DRC10: variants seen among roughly 807,000 people sequenced by gnomAD.
DRC10 encodes the protein dynein regulatory complex subunit 10, also known as IQ domain-containing protein D.
chr12:113,202,928 A>C, the DRC10 span: 1 of 385,544 alleles, frequency 2.6e-6, no homozygotes, highest in Non-Finnish European at 5.4e-6. Flanking sequence ...ACCATCTCAC[A>C]GGGTTTTTGT....
the DRC10 span, chr12:113,195,862 G>A: frequency 1.9e-6 from 3 of 1,612,128 alleles, no homozygotes; most frequent in South Asian, 3.3e-5. Flanking sequence ...TCCTCCCTGT[G>A]AACAGCGTCC....
the DRC10 span, among the ~76,000 whole-genome samples, chr12:113,213,181 A>AC: frequency 2.7e-5 from 4 of 149,240 alleles, no homozygotes; most frequent in Non-Finnish European, 6.0e-5. Flanking sequence ...GGTGCTAAAA[A>AC]AAAAAAAAAA....
chr12:113,210,210 C>T, the DRC10 span, among the ~76,000 whole-genome samples: 5 of 152,152 alleles, frequency 3.3e-5, no homozygotes, highest in Admixed American at 2.6e-4. Context: ...ATTTATATTG[C>T]TTTCATAGTA....
At chr12:113,200,955 A>G in the DRC10 span, 14 of 607,714 alleles carry the variant, frequency 2.3e-5, no homozygotes, top group African/African-American at 2.4e-4. Context: ...CCTGGCTAAC[A>G]TGATGAAATC....
At chr12:113,217,047 C>G in the DRC10 span, among the ~76,000 whole-genome samples, 2 of 152,276 alleles carry the variant, frequency 1.3e-5, no homozygotes, top group African/African-American at 2.4e-5. Context: ...TGAGATTGCA[C>G]CACTGCACTC....
chr12:113,207,993 C>G, the DRC10 span: 1 of 1,614,082 alleles, frequency 6.2e-7, no homozygotes, highest in Admixed American at 1.7e-5. Context: ...TGTAGATCGC[C>G]TCATCCAGGA....
At chr12:113,198,731 G>A in the DRC10 span, among the ~76,000 whole-genome samples, 12 of 152,270 alleles carry the variant, frequency 7.9e-5, no homozygotes, top group East Asian at 3.9e-4. Context: ...GCACAACATC[G>A]TGAATATACT....
the DRC10 span, among the ~76,000 whole-genome samples, chr12:113,210,749 G>A: frequency 5.8e-5 from 8 of 137,392 alleles, no homozygotes; most frequent in African/African-American, 8.5e-5. Flanking sequence ...TATCCTGTTC[G>A]TTCTCCAGGT....
the DRC10 span, among the ~76,000 whole-genome samples, chr12:113,197,055 T>C: frequency 6.6e-6 from 1 of 152,178 alleles, no homozygotes; most frequent in Admixed American, 6.5e-5. Context: ...GGCTCCCATC[T>C]GAGTCTGTGG....
At chr12:113,207,081 G>A in the DRC10 span, 1 of 361,652 alleles carries the variant, frequency 2.8e-6, no homozygotes, top group Admixed American at 4.1e-5. Flanking sequence ...TCAATCAATT[G>A]GCCAGGCGCA....
the DRC10 span, among the ~76,000 whole-genome samples, chr12:113,202,303 G>T: frequency 6.6e-6 from 1 of 152,132 alleles, no homozygotes. Context: ...TATCCACAAA[G>T]TCAGGTGAAT....
chr12:113,214,378 T>A, the DRC10 span, among the ~76,000 whole-genome samples: 8 of 151,812 alleles, frequency 5.3e-5, no homozygotes, highest in Non-Finnish European at 1.2e-4. Flanking sequence ...TGGTGAAACA[T>A]GCCTGTAATC....
the DRC10 span, chr12:113,207,363 C>A: frequency 2.4e-6 from 3 of 1,243,060 alleles, no homozygotes; most frequent in Non-Finnish European, 3.5e-6. Flanking sequence ...AAAAATCAAT[C>A]ATTGAGGAAA....
chr12:113,211,310 A>T, the DRC10 span, among the ~76,000 whole-genome samples: 1 of 152,178 alleles, frequency 6.6e-6, no homozygotes, highest in African/African-American at 2.4e-5. Flanking sequence ...GAAGGAAGTG[A>T]CACTTGAAGC....
At chr12:113,207,962 G>A in the DRC10 span, 4 of 1,614,100 alleles carry the variant, frequency 2.5e-6, no homozygotes, top group Non-Finnish European at 2.5e-6. Flanking sequence ...ACATACGACA[G>A]CAAGGTCACC....
the DRC10 span, chr12:113,206,113 G>C: frequency 6.6e-6 from 1 of 151,390 alleles, no homozygotes; most frequent in African/African-American, 2.4e-5. Flanking sequence ...CCAGCTACTC[G>C]GGAGGCTGAG....
At chr12:113,215,455 T>C in the DRC10 span, among the ~76,000 whole-genome samples, 1 of 152,230 alleles carries the variant, frequency 6.6e-6, no homozygotes, top group South Asian at 2.1e-4. Context: ...CACAAAATAA[T>C]ATGGTATATG....
the DRC10 span, chr12:113,207,637 C>T: frequency 6.2e-7 from 1 of 1,614,124 alleles, no homozygotes; most frequent in South Asian, 1.1e-5. Flanking sequence ...GGCTTCTGCA[C>T]TTCTACCCTG....
the DRC10 span, chr12:113,196,009 C>T: frequency 9.9e-6 from 14 of 1,409,418 alleles, no homozygotes; most frequent in Non-Finnish European, 1.3e-5. Flanking sequence ...CTAAGCTAAG[C>T]TGTTCAGCAT....
Sources: gnomAD v4.1 joint callset for allele counts (sites outside exome capture counted in the v4.1 genomes callset) on GRCh38, gnomAD v4.1.1 for gene constraint, MANE v1.5 for transcripts, NCBI Gene and HGNC (gene_info 2026-07-23, HGNC 2026-07-21) for gene names.